ARID4A: variants seen among roughly 807,000 people sequenced by gnomAD.
ARID4A encodes AT-rich interaction domain 4A.
A neutral mutation model predicts 148.6 loss-of-function variants in ARID4A; 39 were observed. The ratio of observed to expected loss-of-function variants is 0.26; its 90% CI spans 0.20 to 0.34. ARID4A has a LOEUF of 0.34. Among genes scored for constraint, ARID4A ranks in the 10% least tolerant of loss-of-function variants. The pLI is 1.00. For synonymous variants in ARID4A, 475 were observed against 481.2 expected (o/e 0.99, Z 0.17); for missense variants, 1,265 against 1,449.1 (o/e 0.87, Z 2.06).
At chr14:58,317,160 T>A (rs1428649891) in intron 5 of ARID4A, among the ~76,000 whole-genome samples, 15 of 135,694 alleles carry the variant, frequency 1.1e-4, no homozygotes, top group Non-Finnish European at 2.0e-4. Context: ...GCCACTGCAC[T>A]CCAGCCTGGG....
chr14:58,341,704 A>G (rs746641850), intron 11 of ARID4A, among the ~76,000 whole-genome samples: 15 of 152,316 alleles, frequency 9.8e-5, no homozygotes, highest in Non-Finnish European at 1.9e-4. Context: ...AAAGTCAAAA[A>G]ATTCACAATC....
intron 19 of ARID4A, among the ~76,000 whole-genome samples, chr14:58,361,740 G>A (rs996052503): frequency 7.2e-5 from 11 of 152,166 alleles, no homozygotes; most frequent in Non-Finnish European, 1.3e-4. Flanking sequence ...TGGGGTTGCT[G>A]AAGAAACTGT....
intron 11 of ARID4A, among the ~76,000 whole-genome samples, chr14:58,334,592 A>G (rs2033702564): frequency 6.6e-6 from 1 of 152,152 alleles, no homozygotes. Context: ...CAATAATCCT[A>G]TACCCACTCC....
chr14:58,326,465 A>G (rs961882773), intron 8 of ARID4A, among the ~76,000 whole-genome samples: 16 of 152,192 alleles, frequency 1.1e-4, no homozygotes, highest in Admixed American at 8.5e-4. Flanking sequence ...GGGTTTGTTC[A>G]TGGAACTGTT....
chr14:58,336,597 A>G (rs776351015), intron 11 of ARID4A, among the ~76,000 whole-genome samples: 28 of 152,206 alleles, frequency 1.8e-4, no homozygotes, highest in Non-Finnish European at 3.8e-4. Context: ...ACATACATCA[A>G]GATGTACCTT....
intron 17 of ARID4A, among the ~76,000 whole-genome samples, chr14:58,356,846 C>T (rs573152404): frequency 1.8e-4 from 27 of 151,932 alleles, no homozygotes; most frequent in Middle Eastern, 3.4e-3. Context: ...GGACTACAGA[C>T]GCACGCCACC....
chr14:58,346,514 A>G lies in ARID4A; in HGVS notation c.1074+9A>G. On this transcript the variant is annotated intron_variant, in intron 13 of 23. Transcript: ENST00000355431. Reference sequence around the variant, plus strand: ...AGGGTGGATGTGACAATGTAAGTATAACATTGCTTTTTGAAACATGTATTG... The same window carrying G: ...AGGGTGGATGTGACAATGTAAGTATGACATTGCTTTTTGAAACATGTATTG... The G allele has an allele frequency of 6.3e-7, 1 of 1,575,322 alleles. No homozygotes were observed. The highest frequency in any genetic ancestry group is 1.1e-5 in the South Asian group (1 of 88,868).
chr14:58,328,021 A>G (rs1030108761), intron 8 of ARID4A, among the ~76,000 whole-genome samples: 5 of 152,222 alleles, frequency 3.3e-5, no homozygotes, highest in African/African-American at 1.2e-4. Flanking sequence ...CTATGGATAA[A>G]TTAAATTTCT....
chr14:58,310,658 C>G (rs974782640), intron 5 of ARID4A, among the ~76,000 whole-genome samples: 6 of 149,746 alleles, frequency 4.0e-5, no homozygotes, highest in Non-Finnish European at 4.4e-5. Flanking sequence ...TTGAAATTGT[C>G]AAACCACTAG....
chr14:58,304,708 T>C (rs1053024300), intron 3 of ARID4A, among the ~76,000 whole-genome samples: 1 of 152,176 alleles, frequency 6.6e-6, no homozygotes, highest in Non-Finnish European at 1.5e-5. Context: ...TAAACAGTTA[T>C]TAAGTGCTGA....
chr14:58,356,297 T>C (rs2034862143), intron 17 of ARID4A, among the ~76,000 whole-genome samples: 3 of 152,214 alleles, frequency 2.0e-5, no homozygotes, highest in African/African-American at 7.2e-5. Flanking sequence ...AGTTATCCCT[T>C]TGTTAGCCCT....
In ARID4A at chr14:58,347,768, C is replaced by G; in HGVS notation, c.1294C>G (p.Leu432Val). The G allele has an allele frequency of 6.2e-7, 1 of 1,613,668 alleles. No homozygotes were observed. Among genetic ancestry groups the G allele is most frequent in the Non-Finnish European group, 8.5e-7 (1 of 1,179,728 alleles). ...CTTAGAAGAATCAATGGAAGAGGCT[C>G]TCAAATTAGATCAAGAAATGCCTTT... is the stretch of plus-strand genomic sequence containing the variant. ...KDLEESMEEALKLDQEMPLTE... is the reference protein window; with the variant it reads ...KDLEESMEEAVKLDQEMPLTE... Residue 432 changes from leucine to valine, a missense_variant, in exon 15 of 24, where the codon CTC becomes GTC. Transcript: ENST00000355431.
chr14:58,373,266 A>T lies in ARID4A; in HGVS notation c.*1277A>T, dbSNP rs1249017553. 1 of 197,028 alleles carries T rather than the reference A, an allele frequency of 5.1e-6. No individual in the cohort carries two copies. Among genetic ancestry groups the T allele is most frequent in the African/African-American group, 2.3e-5 (1 of 43,322 alleles). 12.2% of individuals were successfully genotyped at this position (197,028 alleles called of 1,614,324 possible). A position where few individuals can be genotyped will look rare whatever the true frequency, so the allele number is the denominator to read the frequency against. On this transcript the variant is annotated 3_prime_UTR_variant, in exon 24 of 24. Transcript: ENST00000355431. ...GCAACTATGTATGCTTTGTCTGTGA[A>T]TTGTTCCACAGACTGATAGATTTTG...
intron 23 of ARID4A, among the ~76,000 whole-genome samples, chr14:58,367,368 A>G (rs2035402575): frequency 6.6e-6 from 1 of 152,226 alleles, no homozygotes; most frequent in South Asian, 2.1e-4. Flanking sequence ...ACCAAAATGA[A>G]TGAGACATAA....
intron 11 of ARID4A, among the ~76,000 whole-genome samples, chr14:58,335,651 A>G (rs1386337169): frequency 1.3e-5 from 2 of 152,204 alleles, no homozygotes; most frequent in South Asian, 2.1e-4. Flanking sequence ...CAGACTCAGT[A>G]TGTGCAAGAC....
At chr14:58,319,041 T>G (rs1284060275) in intron 7 of ARID4A, among the ~76,000 whole-genome samples, 1 of 151,972 alleles carries the variant, frequency 6.6e-6, no homozygotes, top group African/African-American at 2.4e-5. Flanking sequence ...TTTGCCGAAG[T>G]TTTTTTTGTT....
intron 19 of ARID4A, among the ~76,000 whole-genome samples, chr14:58,363,199 C>T (rs1022937055): frequency 3.3e-5 from 5 of 152,152 alleles, no homozygotes; most frequent in Non-Finnish European, 7.4e-5. Context: ...TACACCTTTT[C>T]ACTAAAAAAT....
At position 58,318,713 on chromosome 14, in the gene ARID4A, A is replaced by C. The variant is rs774451402; in HGVS notation, c.357A>C (p.Thr119=). Residue 119 remains threonine (T), a splice_region_variant and synonymous_variant, in exon 7 of 24, where the codon ACA becomes ACC. Transcript: ENST00000355431. ...TAATTAATCTATTTCTTATACAGAC[A>C]CTTGACCAGCTTCCATTAACAAATC... ...KGERHFAESE[T]LDQLPLTNPE... 1.2e-6 allele frequency: 2 copies of C among 1,614,022 alleles called. No homozygotes were observed. Among genetic ancestry groups the C allele is most frequent in the East Asian group, 2.2e-5 (1 of 44,880 alleles).
chr14:58,323,811 G>A (rs918187823), intron 8 of ARID4A, among the ~76,000 whole-genome samples, 194 bp downstream of exon 8: 3 of 148,628 alleles, frequency 2.0e-5, no homozygotes, highest in African/African-American at 7.5e-5. Flanking sequence ...TTAATTCTCT[G>A]TAGGCTTTTA....
Sources: allele counts gnomAD v4.1 joint callset (sites outside exome capture counted in the v4.1 genomes callset), GRCh38; gene constraint gnomAD v4.1.1; transcripts MANE v1.5; gene names NCBI Gene and HGNC (gene_info 2026-07-23, HGNC 2026-07-21).